Variants in KLHL6 observed in about 807,000 individuals in gnomAD.
The protein encoded by KLHL6 is kelch-like protein 6.
A neutral mutation model predicts 58.6 loss-of-function variants in KLHL6; 41 were observed. The observed-to-expected ratio is 0.70, with a 90% CI of 0.55 to 0.91. The LOEUF is 0.91. Among genes scored for constraint, KLHL6 ranks in the 40% least tolerant of loss-of-function variants. The probability of loss-of-function intolerance (pLI) is 0.00; values close to 1 mark genes in which losing one functional copy is unlikely to be tolerated. For missense variants in KLHL6, 714 were observed against 805.6 expected (o/e 0.89, Z 1.38); for synonymous variants, 338 against 322.7 (o/e 1.05, Z -0.51).
intron 2 of KLHL6, among the ~76,000 whole-genome samples, chr3:183,519,461 T>C (rs1248249991): frequency 6.6e-6 from 1 of 152,206 alleles, no homozygotes; most frequent in Non-Finnish European, 1.5e-5. Flanking sequence ...GCCCTGGCAC[T>C]GTATAAATGT....
chr3:183,552,664 G>A (rs1294813692), intron 1 of KLHL6, among the ~76,000 whole-genome samples: 1 of 144,814 alleles, frequency 6.9e-6, no homozygotes, highest in Non-Finnish European at 1.5e-5. Flanking sequence ...TTTGCAGTGA[G>A]CAGAGATTGT....
intron 1 of KLHL6, among the ~76,000 whole-genome samples, chr3:183,534,951 T>TATATATA (rs200010722): frequency 1.5e-5 from 1 of 65,176 alleles, no homozygotes; most frequent in African/African-American, 6.5e-5. Context: ...TATATATATA[T>TATATATA]TTTTTTTTTT....
In KLHL6 at chr3:183,494,091, G is replaced by A. The variant is rs139253869; in HGVS notation, c.1338C>T (p.Asn446=). The A allele has an allele frequency of 2.0e-4, 324 of 1,614,048 alleles. No individual in the cohort carries two copies. The African/African-American group carries it at 3.7e-3, about 18-fold the overall frequency. ...TCGTGTCCTATACCTCTGACCAGCAGTTGTGAAAGGGGTCGTAGGTCTCCA... is the reference window on the plus strand; with the variant it reads ...TCGTGTCCTATACCTCTGACCAGCAATTGTGAAAGGGGTCGTAGGTCTCCA... ...NNVETYDPFH[N]CWSEAAPLLV... Residue 446 remains asparagine, a synonymous_variant, in exon 5 of 7, where the codon AAC becomes AAT. Coordinates refer to ENST00000341319, the MANE Select transcript of KLHL6 (RefSeq NM_130446.4).
chr3:183,501,601 A>G (rs1229429981), intron 3 of KLHL6, among the ~76,000 whole-genome samples: 2 of 152,062 alleles, frequency 1.3e-5, no homozygotes, highest in Non-Finnish European at 2.9e-5. Flanking sequence ...ACTAGCCGTG[A>G]TCTTACCTCC....
At chr3:183,494,026 A>G in intron 5 of KLHL6, 53 bp downstream of exon 5, 1 of 1,521,564 alleles carries the variant, frequency 6.6e-7, no homozygotes, top group Non-Finnish European at 9.1e-7. Flanking sequence ...GCTTTTTAAA[A>G]AAGCACTGAA....
At chr3:183,510,603 G>T (rs146649561) in intron 2 of KLHL6, among the ~76,000 whole-genome samples, 1 of 152,034 alleles carries the variant, frequency 6.6e-6, no homozygotes, top group Non-Finnish European at 1.5e-5. Flanking sequence ...GGCCGGGCGC[G>T]GTGGCTCACG....
At chr3:183,545,972 C>T (rs139772012) in intron 1 of KLHL6, among the ~76,000 whole-genome samples, 93 of 152,352 alleles carry the variant, frequency 6.1e-4, no homozygotes, top group African/African-American at 2.0e-3. Context: ...TCCAAGCGTT[C>T]GTTCACTTCA....
At chr3:183,552,757 CAG>C (rs1712977523) in intron 1 of KLHL6, among the ~76,000 whole-genome samples, 1 of 148,314 alleles carries the variant, frequency 6.7e-6, no homozygotes, top group Non-Finnish European at 1.5e-5. Context: ...GCCTCTCAGA[CAG>C]AGAGACTCTT....
At chr3:183,508,839 C>T (rs569249065) in intron 2 of KLHL6, among the ~76,000 whole-genome samples, 16 of 152,176 alleles carry the variant, frequency 1.1e-4, no homozygotes, top group Non-Finnish European at 2.2e-4. Flanking sequence ...TTCATTCATA[C>T]AGTCGATAGC....
At chr3:183,495,762 C>A (rs1717696746) in intron 4 of KLHL6, among the ~76,000 whole-genome samples, 1 of 151,974 alleles carries the variant, frequency 6.6e-6, no homozygotes, top group South Asian at 2.1e-4. Context: ...TTCTAAGAAA[C>A]TTTTGAAAAA....
intron 1 of KLHL6, among the ~76,000 whole-genome samples, chr3:183,544,019 C>T (rs1033051011): frequency 1.3e-5 from 2 of 151,976 alleles, no homozygotes; most frequent in African/African-American, 4.8e-5. Context: ...CAAAATTAGC[C>T]GGGCATAGTG....
At position 183,545,949 on chromosome 3, in the gene KLHL6, T is replaced by A. The variant is rs12629211; in HGVS notation, c.293+9412A>T. ...ATGCTACTTAATCAGTGACTGGACC[T>A]GCAGGAGGAAGATCCAAGCGTTCGT... On this transcript the variant is annotated intron_variant, in intron 1 of 6. Coordinates refer to ENST00000341319, the MANE Select transcript of KLHL6 (RefSeq NM_130446.4). 1.2e-3 allele frequency among the ~76,000 whole-genome samples: 180 copies of A among 152,342 alleles called. 2 individuals are homozygous for A. In the East Asian group the frequency reaches 0.034, roughly 29 times the overall value.
chr3:183,501,867 C>T (rs1046860366), intron 3 of KLHL6, among the ~76,000 whole-genome samples: 3 of 152,210 alleles, frequency 2.0e-5, no homozygotes, highest in Non-Finnish European at 2.9e-5. Context: ...TCCCCCACAA[C>T]GGCCCTTTTC....
chr3:183,524,990 G>T (rs1021479975), intron 2 of KLHL6, among the ~76,000 whole-genome samples: 1 of 152,172 alleles, frequency 6.6e-6, no homozygotes, highest in East Asian at 1.9e-4. Flanking sequence ...TTTTGGCTGG[G>T]CATGGTGGTT....
At chr3:183,539,550 A>G (rs1471114525) in intron 1 of KLHL6, among the ~76,000 whole-genome samples, 1 of 152,058 alleles carries the variant, frequency 6.6e-6, no homozygotes, top group East Asian at 1.9e-4. Context: ...TCTACTAAAA[A>G]TACAAAAAAT....
chr3:183,523,631 G>C (rs1711845056), intron 2 of KLHL6, among the ~76,000 whole-genome samples: 1 of 152,108 alleles, frequency 6.6e-6, no homozygotes, highest in African/African-American at 2.4e-5. Context: ...ACATCTTCTT[G>C]CTGCCTGCAG....
At chr3:183,535,807 G>A (rs1020032642) in intron 1 of KLHL6, among the ~76,000 whole-genome samples, 1 of 152,096 alleles carries the variant, frequency 6.6e-6, no homozygotes, top group East Asian at 1.9e-4. Flanking sequence ...GACGAGTCTC[G>A]CTCTGTCGCC....
intron 2 of KLHL6, 115 bp from the exon 3 acceptor site, chr3:183,508,623 T>A: frequency 1.3e-6 from 1 of 792,344 alleles, no homozygotes. Flanking sequence ...TGTCCAACAG[T>A]ACAGGATGAG....
intron 2 of KLHL6, among the ~76,000 whole-genome samples, chr3:183,516,173 C>G (rs1711552996): frequency 6.6e-6 from 1 of 152,128 alleles, no homozygotes; most frequent in Non-Finnish European, 1.5e-5. Context: ...TCCAAGTTGC[C>G]TAAGTTCCTC....
Sources: gnomAD v4.1 joint callset for allele counts (sites outside exome capture counted in the v4.1 genomes callset) on GRCh38, gnomAD v4.1.1 for gene constraint, MANE v1.5 for transcripts, NCBI Gene and HGNC (gene_info 2026-07-23, HGNC 2026-07-21) for gene names.